Variants in DNAAF4 observed in about 807,000 individuals in gnomAD.
DNAAF4 encodes the protein dynein axonemal assembly factor 4, also known as dynein assembly factor 4, axonemal.
A neutral mutation model predicts 51.8 loss-of-function variants in DNAAF4; 43 were observed. The ratio of observed to expected loss-of-function variants is 0.83; its 90% CI spans 0.65 to 1.07. The LOEUF (loss-of-function observed/expected upper bound fraction) is 1.07. DNAAF4 is among the 50% of genes least tolerant of loss of function. The pLI is 0.00. For missense variants in DNAAF4, 581 were observed against 493.0 expected (o/e 1.18, Z -1.69); for synonymous variants, 194 against 165.6 (o/e 1.17, Z -1.32).
chr15:55,443,722 T>G (rs1009463382), intron 6 of DNAAF4, among the ~76,000 whole-genome samples: 1 of 152,230 alleles, frequency 6.6e-6, no homozygotes, highest in African/African-American at 2.4e-5. Context: ...TTTCCTGACT[T>G]TTTAATGATC....
chr15:55,431,879 G>T (rs1168290058), intron 9 of DNAAF4, among the ~76,000 whole-genome samples: 3 of 151,748 alleles, frequency 2.0e-5, no homozygotes, highest in South Asian at 2.1e-4. Flanking sequence ...AGCCTCCCCA[G>T]TTCCTGGGAT....
At chr15:55,442,772 T>C in intron 6 of DNAAF4, 1 of 1,604,056 alleles carries the variant, frequency 6.2e-7, no homozygotes, top group East Asian at 2.2e-5. Context: ...CTATTTATCC[T>C]AACAACAGAA....
At chr15:55,493,166 G>A (rs892273926) in intron 3 of DNAAF4, among the ~76,000 whole-genome samples, 5 of 152,222 alleles carry the variant, frequency 3.3e-5, no homozygotes, top group South Asian at 2.1e-4. Context: ...AGCCCTCACC[G>A]CATACCAAAC....
chr15:55,439,806 A>G (rs1284456963), intron 6 of DNAAF4, among the ~76,000 whole-genome samples: 1 of 152,106 alleles, frequency 6.6e-6, no homozygotes, highest in Non-Finnish European at 1.5e-5. Context: ...GGTTTAGGTC[A>G]TGAGAGGAGA....
intron 1 of DNAAF4, among the ~76,000 whole-genome samples, chr15:55,501,063 T>G (rs1303135014): frequency 6.6e-6 from 1 of 151,048 alleles, no homozygotes; most frequent in Non-Finnish European, 1.5e-5. Context: ...TAAGAAAGGA[T>G]TTTTTTGTTG....
At chr15:55,494,637 C>T (rs1285254713) in intron 3 of DNAAF4, among the ~76,000 whole-genome samples, 2 of 152,012 alleles carry the variant, frequency 1.3e-5, no homozygotes, top group Non-Finnish European at 2.9e-5. Flanking sequence ...GTCTCAAACT[C>T]CTGACCTCAG....
Position 55,425,237 on chromosome 15 carries a change from C to A in DNAAF4, c.1048-7104G>T, listed in dbSNP as rs577718722. Among the ~76,000 whole-genome samples, 3 of 152,358 alleles carry A rather than the reference C, an allele frequency of 2.0e-5. No homozygotes were observed. The South Asian group carries it at 6.2e-4, about 32-fold the overall frequency. ...TTCCTTTAGCCAGAATCCCCACCAT[C>A]AATATCTGATCACCCTTGATATTTG... On this transcript the variant is annotated intron_variant, in intron 7 of 7. Transcript: ENST00000448430.
At chr15:55,503,700 A>T (rs2058711613) in intron 1 of DNAAF4, among the ~76,000 whole-genome samples, 1 of 152,208 alleles carries the variant, frequency 6.6e-6, no homozygotes, top group African/African-American at 2.4e-5. Context: ...TAGATGCAGA[A>T]AAGGCTTTTG....
Position 55,483,746 on chromosome 15 carries a change from C to A in DNAAF4, c.405+7377G>T, listed in dbSNP as rs1053898944. Among the ~76,000 whole-genome samples, 15 of 142,348 alleles carry A rather than the reference C, an allele frequency of 1.1e-4. 1 individual carries two copies. The highest frequency in any genetic ancestry group is 8.1e-4 in the Admixed American group (11 of 13,580). 93.4% of individuals were successfully genotyped at this position (142,348 alleles called of 152,430 possible). On this transcript the variant is annotated intron_variant, in intron 4 of 9. Coordinates refer to ENST00000321149, the MANE Select transcript of DNAAF4 (RefSeq NM_130810.4). Reference sequence around the variant, plus strand: ...TAGTAGAGATGGGCCAGGCTGGTCTCGGATTCCTGACCTCAAGCAGTCCAC... The same window carrying A: ...TAGTAGAGATGGGCCAGGCTGGTCTAGGATTCCTGACCTCAAGCAGTCCAC...
downstream of DNAAF4, among the ~76,000 whole-genome samples, chr15:55,426,867 A>C (rs1380356858): frequency 6.6e-6 from 1 of 152,204 alleles, no homozygotes; most frequent in Admixed American, 6.5e-5. Flanking sequence ...TACATCAACC[A>C]ACCCACTTTT....
chr15:55,453,548 CTTTTTTTTTTTTTT>C (rs1228330492), intron 5 of DNAAF4, among the ~76,000 whole-genome samples: 1 of 115,678 alleles, frequency 8.6e-6, no homozygotes, highest in African/African-American at 3.4e-5. Flanking sequence ...AAAAACAGTT[CTTTTTTTTTTTTTT>C]TTTTTTGAGA....
At chr15:55,474,878 C>T (rs2141536719) in intron 4 of DNAAF4, among the ~76,000 whole-genome samples, 1 of 152,114 alleles carries the variant, frequency 6.6e-6, no homozygotes, top group African/African-American at 2.4e-5. Flanking sequence ...ACTCTGGAGG[C>T]TGAGGAAGGA....
At chr15:55,442,107 G>C (rs1258477365) in intron 6 of DNAAF4, among the ~76,000 whole-genome samples, 1 of 151,996 alleles carries the variant, frequency 6.6e-6, no homozygotes, top group African/African-American at 2.4e-5. Flanking sequence ...ATCCTAAGGA[G>C]ACAGAGTTTT....
chr15:55,507,417 A>G (rs571533611), intron 1 of DNAAF4, among the ~76,000 whole-genome samples: 1 of 152,348 alleles, frequency 6.6e-6, no homozygotes, highest in African/African-American at 2.4e-5. Flanking sequence ...AAGGTGTAAT[A>G]AAGTGTCTAA....
chr15:55,490,745 A>T (rs1051666557), intron 4 of DNAAF4, among the ~76,000 whole-genome samples: 2 of 152,102 alleles, frequency 1.3e-5, no homozygotes, highest in Non-Finnish European at 2.9e-5. Flanking sequence ...CGAGGTCAGG[A>T]GATCGAGACC....
intron 4 of DNAAF4, among the ~76,000 whole-genome samples, chr15:55,473,538 A>T (rs1473272582): frequency 6.6e-6 from 1 of 151,632 alleles, no homozygotes; most frequent in African/African-American, 2.4e-5. Context: ...ACCTTGATCA[A>T]ATAGGGTCTT....
At chr15:55,486,413 T>C (rs2058490446) in intron 4 of DNAAF4, among the ~76,000 whole-genome samples, 1 of 152,032 alleles carries the variant, frequency 6.6e-6, no homozygotes, top group African/African-American at 2.4e-5. Context: ...AGGCTGATCT[T>C]GAACTCCTGA....
chr15:55,501,838 T>G (rs1595963443), intron 1 of DNAAF4, among the ~76,000 whole-genome samples: 1 of 149,606 alleles, frequency 6.7e-6, no homozygotes, highest in Non-Finnish European at 1.5e-5. Context: ...AGGTTAAGAG[T>G]TTGAGACCAG....
chr15:55,489,397 A>G (rs1245755854), intron 4 of DNAAF4, among the ~76,000 whole-genome samples: 3 of 152,200 alleles, frequency 2.0e-5, no homozygotes, highest in African/African-American at 4.8e-5. Context: ...TATATGGCTC[A>G]GTGCGGTGAC....
Sources: allele counts gnomAD v4.1 joint callset (sites outside exome capture counted in the v4.1 genomes callset), GRCh38; gene constraint gnomAD v4.1.1; transcripts MANE v1.5; gene names NCBI Gene and HGNC (gene_info 2026-07-23, HGNC 2026-07-21).